CDK8: variants seen among roughly 807,000 people sequenced by gnomAD.
CDK8 encodes the protein cyclin-dependent kinase 8.
A neutral mutation model predicts 71.5 loss-of-function variants in CDK8; 29 were observed. The ratio of observed to expected loss-of-function variants is 0.41; its 90% confidence interval spans 0.30 to 0.55. CDK8 has a LOEUF of 0.55. Ranked by LOEUF, CDK8 falls within the 20% of genes least tolerant of loss-of-function variation. CDK8 has a pLI of 0.37. For missense variants in CDK8, 288 were observed against 572.6 expected (o/e 0.50, Z 5.07); for synonymous variants, 161 against 192.1 (o/e 0.84, Z 1.34).
intron 1 of CDK8, among the ~76,000 whole-genome samples, chr13:26,263,760 T>C (rs1223367555): frequency 6.1e-4 from 88 of 144,992 alleles, no homozygotes; most frequent in Non-Finnish European, 1.3e-3. Context: ...TTTTTTTTTT[T>C]TTTCGAGACG....
intron 4 of CDK8, among the ~76,000 whole-genome samples, chr13:26,358,300 A>G (rs1167890495): frequency 1.3e-5 from 2 of 151,904 alleles, no homozygotes; most frequent in African/African-American, 4.8e-5. Context: ...CTCCGTCTCA[A>G]AAAAAAATAA....
chr13:26,289,266 G>C (rs1018801058), intron 1 of CDK8, among the ~76,000 whole-genome samples: 1 of 151,448 alleles, frequency 6.6e-6, no homozygotes, highest in Non-Finnish European at 1.5e-5. Flanking sequence ...TGTTGGCCAG[G>C]ATGGTCTCAA....
intron 1 of CDK8, among the ~76,000 whole-genome samples, chr13:26,272,449 A>G (rs972193446): frequency 2.0e-5 from 3 of 152,210 alleles, no homozygotes; most frequent in African/African-American, 7.2e-5. Flanking sequence ...TCTGAGGGGT[A>G]GTGCAGACAT....
At chr13:26,330,891 G>A (rs897762736) in intron 1 of CDK8, among the ~76,000 whole-genome samples, 7 of 152,174 alleles carry the variant, frequency 4.6e-5, no homozygotes, top group African/African-American at 1.7e-4. Context: ...GAATAGTGCT[G>A]CCATAAGCAT....
chr13:26,265,922 C>T (rs757700687), intron 1 of CDK8, among the ~76,000 whole-genome samples: 1 of 152,026 alleles, frequency 6.6e-6, no homozygotes, highest in Non-Finnish European at 1.5e-5. Context: ...TCAGAATGGC[C>T]ATAGGAAGCT....
intron 1 of CDK8, among the ~76,000 whole-genome samples, chr13:26,300,846 A>G (rs1266070776): frequency 1.3e-5 from 2 of 152,192 alleles, no homozygotes; most frequent in Non-Finnish European, 2.9e-5. Flanking sequence ...CAGGTTTGTA[A>G]GTGTGAAATA....
intron 1 of CDK8, among the ~76,000 whole-genome samples, chr13:26,302,331 GGTTTC>G (rs1402732819): frequency 6.6e-5 from 10 of 152,152 alleles, no homozygotes; most frequent in Admixed American, 6.5e-4. Context: ...TACAATTCAA[GGTTTC>G]ACCCAAAGGG....
At chr13:26,321,861 G>A (rs1270665636) in intron 1 of CDK8, among the ~76,000 whole-genome samples, 3 of 151,608 alleles carry the variant, frequency 2.0e-5, no homozygotes, top group African/African-American at 7.3e-5. Context: ...ATTTACATGT[G>A]CATACATATA....
At chr13:26,339,598 T>G (rs1461528421) in intron 2 of CDK8, among the ~76,000 whole-genome samples, 2 of 150,868 alleles carry the variant, frequency 1.3e-5, no homozygotes, top group Non-Finnish European at 3.0e-5. Flanking sequence ...TAATTAGTTT[T>G]TTTTTTTTTT....
chr13:26,365,797 A>G (rs999994327), intron 4 of CDK8, among the ~76,000 whole-genome samples: 1 of 152,080 alleles, frequency 6.6e-6, no homozygotes, highest in African/African-American at 2.4e-5. Context: ...AGAATTTTTC[A>G]TATCTCTGCC....
intron 1 of CDK8, among the ~76,000 whole-genome samples, chr13:26,256,221 C>T (rs1235980054): frequency 3.9e-5 from 6 of 152,134 alleles, no homozygotes; most frequent in Admixed American, 3.9e-4. Context: ...GAGAAATCAG[C>T]GTCTGGAGAT....
intron 2 of CDK8, among the ~76,000 whole-genome samples, chr13:26,344,980 AATG>A (rs1388534074): frequency 6.6e-6 from 1 of 152,322 alleles, no homozygotes; most frequent in East Asian, 1.9e-4. Context: ...TGCTGTATAT[AATG>A]ATATTTGCTA....
intron 7 of CDK8, among the ~76,000 whole-genome samples, chr13:26,395,487 CAAA>C (rs11361110): frequency 5.3e-5 from 5 of 94,286 alleles, no homozygotes; most frequent in Non-Finnish European, 2.4e-5. Context: ...AACTCCGTCT[CAAA>C]AAAAAAAAAA....
intron 1 of CDK8, among the ~76,000 whole-genome samples, chr13:26,304,034 G>A (rs897343530): frequency 2.0e-5 from 3 of 152,096 alleles, no homozygotes; most frequent in Non-Finnish European, 4.4e-5. Flanking sequence ...GGGAGGCCGA[G>A]GCGGGTGGAT....
intron 4 of CDK8, among the ~76,000 whole-genome samples, chr13:26,366,528 A>G (rs7325939): frequency 0.36 from 55,353 of 151,880 alleles, 10,270 homozygotes; most frequent in East Asian, 0.54. Flanking sequence ...CTTCCCTTTT[A>G]ATAGTGATCA....
At chr13:26,360,448 C>A (rs1367711074) in intron 4 of CDK8, among the ~76,000 whole-genome samples, 2 of 152,178 alleles carry the variant, frequency 1.3e-5, no homozygotes, top group Non-Finnish European at 2.9e-5. Context: ...CTGCTTGAAT[C>A]CCCTCATCCC....
chr13:26,390,955 C>T (rs1019179310), intron 6 of CDK8, among the ~76,000 whole-genome samples: 1 of 148,600 alleles, frequency 6.7e-6, no homozygotes, highest in Non-Finnish European at 1.5e-5. Flanking sequence ...AGGAGTTTGG[C>T]AGGCAGGTGA....
intron 1 of CDK8, among the ~76,000 whole-genome samples, chr13:26,277,082 A>G (rs1464909996): frequency 6.6e-6 from 1 of 152,192 alleles, no homozygotes; most frequent in African/African-American, 2.4e-5. Context: ...GAACACACAA[A>G]CAATGCAGCT....
At chr13:26,364,030 G>T (rs919865101) in intron 4 of CDK8, among the ~76,000 whole-genome samples, 1 of 152,040 alleles carries the variant, frequency 6.6e-6, no homozygotes, top group Admixed American at 6.6e-5. Context: ...TTTGTTTGAG[G>T]TGTATTTTCT....
Sources: gnomAD v4.1 joint callset for allele counts (sites outside exome capture counted in the v4.1 genomes callset) on GRCh38, gnomAD v4.1.1 for gene constraint, MANE v1.5 for transcripts, NCBI Gene and HGNC (gene_info 2026-07-23, HGNC 2026-07-21) for gene names.